Variants in CSMD1 observed in about 807,000 individuals in gnomAD.
The protein encoded by CSMD1 is CUB and sushi domain-containing protein 1.
A neutral mutation model predicts 417.5 loss-of-function variants in CSMD1; 213 were observed. The ratio of observed to expected loss-of-function variants is 0.51; its 90% CI spans 0.46 to 0.57. The LOEUF (loss-of-function observed/expected upper bound fraction) is 0.57, where lower values mean the gene tolerates loss of function less well. CSMD1 is among the 20% of genes least tolerant of loss of function. The probability of loss-of-function intolerance (pLI) is 0.00; values close to 1 mark genes in which losing one functional copy is unlikely to be tolerated. For synonymous variants in CSMD1, 2,862 were observed against 1,736.8 expected, an observed-to-expected ratio of 1.65 and a Z score of -16.11; for missense variants, 6,923 against 4,529.7, an observed-to-expected ratio of 1.53 and a Z score of -15.17.
intron 7 of CSMD1, among the ~76,000 whole-genome samples, chr8:3,705,411 C>T (rs570670626): frequency 6.6e-5 from 10 of 152,318 alleles, no homozygotes; most frequent in African/African-American, 2.2e-4. Flanking sequence ...GTGTCCACCC[C>T]TGTCTGGCTT....
rs114618455 is a variant in CSMD1 at position 4,585,972 on chromosome 8, T to C, written c.302+51370A>G. Among the ~76,000 whole-genome samples, 401 of 152,358 alleles carry C rather than the reference T, an allele frequency of 2.6e-3. 3 individuals are homozygous for C. Among genetic ancestry groups the C allele is most frequent in the African/African-American group, 9.4e-3 (391 of 41,588 alleles). On this transcript the variant is annotated intron_variant, in intron 2 of 69. Coordinates refer to ENST00000635120, the MANE Select transcript of CSMD1 (RefSeq NM_033225.6). ...GGATTTAATATATTAGCAAAATAATTTGAAAATTAATTCAAACTTTTAATG... is the reference window on the plus strand; with the variant it reads ...GGATTTAATATATTAGCAAAATAATCTGAAAATTAATTCAAACTTTTAATG...
intron 23 of CSMD1, among the ~76,000 whole-genome samples, chr8:3,317,185 A>G (rs894333): frequency 0.49 from 75,027 of 151,994 alleles, 19,395 homozygotes; most frequent in South Asian, 0.61. Flanking sequence ...AATGATTCTG[A>G]TCTTCTCATA....
In CSMD1 at chr8:4,106,666, G is replaced by A. The variant is rs551942352; in HGVS notation, c.416-74567C>T. Among the ~76,000 whole-genome samples, 43 of 152,256 alleles carry A rather than the reference G, an allele frequency of 2.8e-4. 1 individual carries two copies. In the Middle Eastern group the frequency reaches 0.01, roughly 36 times the overall value. On this transcript the variant is annotated intron_variant, in intron 3 of 69. Coordinates refer to ENST00000635120, the MANE Select transcript of CSMD1 (RefSeq NM_033225.6). ...TTGATAGGTATTCACTATAAAAACA[G>A]TAAAACATTTTCTTTATTTCATACC...
chr8:3,936,184 G>GAA (rs35166741), intron 5 of CSMD1, among the ~76,000 whole-genome samples: 2 of 142,664 alleles, frequency 1.4e-5, no homozygotes, highest in African/African-American at 5.2e-5. Flanking sequence ...TAGGGTTTAA[G>GAA]AAAAAAAAAA....
At chr8:4,003,676 G>C (rs1004784991) in intron 4 of CSMD1, among the ~76,000 whole-genome samples, 2 of 152,156 alleles carry the variant, frequency 1.3e-5, no homozygotes, top group Non-Finnish European at 2.9e-5. Context: ...TGATCTAGTT[G>C]TATGTTCCTA....
intron 1 of CSMD1, among the ~76,000 whole-genome samples, chr8:4,848,767 C>A (rs534569103): frequency 1.3e-5 from 2 of 152,318 alleles, no homozygotes; most frequent in East Asian, 1.9e-4. Context: ...TAGTCTCAGA[C>A]TGCTGACCTC....
intron 37 of CSMD1, among the ~76,000 whole-genome samples, chr8:3,174,995 C>T (rs1448790010): frequency 2.0e-5 from 3 of 152,042 alleles, no homozygotes; most frequent in Non-Finnish European, 2.9e-5. Context: ...TAAATACATG[C>T]AAGAATGACT....
At chr8:4,691,749 G>A (rs896034497) in intron 1 of CSMD1, among the ~76,000 whole-genome samples, 2 of 152,178 alleles carry the variant, frequency 1.3e-5, no homozygotes, top group Non-Finnish European at 2.9e-5. Context: ...GGAATCTGTA[G>A]CTATCTAGCC....
In CSMD1 at chr8:4,376,844, G is replaced by T. The variant is rs145094420; in HGVS notation, c.415+43109C>A. Among the ~76,000 whole-genome samples, 130 of 152,218 alleles carry T rather than the reference G, an allele frequency of 8.5e-4. 1 individual carries two copies. The highest frequency in any genetic ancestry group is 2.7e-3 in the Admixed American group (42 of 15,296). ...TCACCCCTGTGATTTTGTCTTATTT[G>T]TAAGTGCTTCTCTGTTATGCATTTT... On this transcript the variant is annotated intron_variant, in intron 3 of 69. Transcript: ENST00000635120.
intron 3 of CSMD1, among the ~76,000 whole-genome samples, chr8:4,277,176 T>TACA (rs1796533733): frequency 6.7e-6 from 1 of 148,994 alleles, no homozygotes; most frequent in African/African-American, 2.5e-5. Context: ...TACATACATA[T>TACA]TTATATGTCA....
rs967853094 is a variant in CSMD1, at chr8:3,262,202, T to C, written c.4153+21942A>G. On this transcript the variant is annotated intron_variant, in intron 26 of 69. Coordinates refer to ENST00000635120, the MANE Select transcript of CSMD1 (RefSeq NM_033225.6). ...TCATATGAATATATATATATATATA[T>C]ATATATATATATATATATATATATA... Among the ~76,000 whole-genome samples, 374 of 88,766 alleles carry C rather than the reference T, an allele frequency of 4.2e-3. 15 individuals carry two copies. The highest frequency in any genetic ancestry group is 0.011 in the African/African-American group (281 of 26,534). 58.2% of individuals were successfully genotyped at this position (88,766 alleles called of 152,430 possible).
At chr8:4,623,690 C>T (rs1801914959) in intron 2 of CSMD1, among the ~76,000 whole-genome samples, 1 of 151,994 alleles carries the variant, frequency 6.6e-6, no homozygotes, top group South Asian at 2.1e-4. Flanking sequence ...GGATGGACCT[C>T]AAAATCATTA....
chr8:4,779,033 TAATC>T (rs531694836), intron 1 of CSMD1, among the ~76,000 whole-genome samples: 188 of 152,344 alleles, frequency 1.2e-3, no homozygotes, highest in African/African-American at 4.5e-3. Context: ...TGATATATCT[TAATC>T]AACATTTCAG....
intron 3 of CSMD1, among the ~76,000 whole-genome samples, chr8:4,094,494 A>T (rs1800895781): frequency 6.6e-6 from 1 of 152,224 alleles, no homozygotes; most frequent in South Asian, 2.1e-4. Flanking sequence ...ACGCTGGAGC[A>T]ACCACGCAGG....
chr8:3,913,904 G>A (rs1034646756), intron 5 of CSMD1, among the ~76,000 whole-genome samples: 2 of 151,832 alleles, frequency 1.3e-5, no homozygotes, highest in African/African-American at 2.4e-5. Flanking sequence ...TTGTCCAGCT[G>A]TATAAAGTCC....
At chr8:3,747,237 G>C (rs1797106091) in intron 6 of CSMD1, among the ~76,000 whole-genome samples, 1 of 152,142 alleles carries the variant, frequency 6.6e-6, no homozygotes, top group Non-Finnish European at 1.5e-5. Context: ...CATGAGAGTT[G>C]AAGCTTCTTT....
At chr8:4,753,403 CCACACACACACACACACACA>C (rs71209121) in intron 1 of CSMD1, among the ~76,000 whole-genome samples, 2 of 137,800 alleles carry the variant, frequency 1.5e-5, no homozygotes, top group Non-Finnish European at 3.1e-5. Flanking sequence ...CCACCATAAA[CCACACACACACACACACACA>C]CACACACACA....
At chr8:3,953,690 G>C (rs901247015) in intron 5 of CSMD1, among the ~76,000 whole-genome samples, 3 of 152,098 alleles carry the variant, frequency 2.0e-5, no homozygotes, top group African/African-American at 4.8e-5. Context: ...GGCGGGGAGG[G>C]GTGAGGGGTG....
chr8:4,658,193 A>C (rs761080367), intron 1 of CSMD1, among the ~76,000 whole-genome samples: 1 of 151,708 alleles, frequency 6.6e-6, no homozygotes, highest in African/African-American at 2.4e-5. Context: ...GTTTGAATAA[A>C]TGACTGCAAA....
Sources: allele counts gnomAD v4.1 joint callset (sites outside exome capture counted in the v4.1 genomes callset), GRCh38; gene constraint gnomAD v4.1.1; transcripts MANE v1.5; gene names NCBI Gene and HGNC (gene_info 2026-07-23, HGNC 2026-07-21).